The following XKR4 variants were observed in gnomAD, a reference collection of about 807,000 sequenced individuals.
XKR4 encodes the protein XK-related protein 4.
In XKR4, 12 loss-of-function variants were observed where a neutral mutation model predicts 53.9. That is an observed-to-expected ratio of 0.22 (90% CI 0.14 to 0.36). The LOEUF (loss-of-function observed/expected upper bound fraction) is 0.36. Ranked by LOEUF, XKR4 falls within the 10% of genes least tolerant of loss-of-function variation. XKR4 has a pLI of 1.00. For synonymous variants in XKR4, 354 were observed against 362.4 expected, an observed-to-expected ratio of 0.98 and a Z score of 0.26; for missense variants, 799 against 859.5, an observed-to-expected ratio of 0.93 and a Z score of 0.88.
chr8:55,289,220 A>T (rs1052921969), intron 1 of XKR4, among the ~76,000 whole-genome samples: 3 of 152,146 alleles, frequency 2.0e-5, no homozygotes, highest in Non-Finnish European at 1.5e-5. Context: ...GTTTAGTTTT[A>T]TAGGAAATTG....
intron 1 of XKR4, among the ~76,000 whole-genome samples, chr8:55,258,153 G>A (rs2129370698): frequency 6.6e-6 from 1 of 152,320 alleles, no homozygotes; most frequent in African/African-American, 2.4e-5. Context: ...TTGCTCAGTG[G>A]TTTTATTACT....
chr8:55,183,470 A>G (rs546208020), intron 1 of XKR4, among the ~76,000 whole-genome samples: 2 of 152,082 alleles, frequency 1.3e-5, no homozygotes, highest in Admixed American at 1.3e-4. Context: ...TTTAAAGTTT[A>G]TTTTGACACT....
At chr8:55,422,727 A>T (rs1804952743) in intron 2 of XKR4, among the ~76,000 whole-genome samples, 1 of 152,242 alleles carries the variant, frequency 6.6e-6, no homozygotes, top group South Asian at 2.1e-4. Context: ...CTGGAATGAT[A>T]GCATCAGAGT....
intron 1 of XKR4, among the ~76,000 whole-genome samples, chr8:55,328,506 C>A (rs1198233861): frequency 1.3e-5 from 2 of 152,186 alleles, no homozygotes; most frequent in Non-Finnish European, 2.9e-5. Context: ...TGAAGGCCTT[C>A]AGCCCATCTA....
At chr8:55,177,180 G>A (rs144496192) in intron 1 of XKR4, among the ~76,000 whole-genome samples, 5 of 152,084 alleles carry the variant, frequency 3.3e-5, no homozygotes, top group Admixed American at 6.5e-5. Context: ...GGGATTACAG[G>A]TGTGTGCCAC....
At chr8:55,138,526 G>C (rs576709298) in intron 1 of XKR4, among the ~76,000 whole-genome samples, 1 of 152,308 alleles carries the variant, frequency 6.6e-6, no homozygotes, top group East Asian at 1.9e-4. Context: ...TAATATAACA[G>C]TGGTTGCTAA....
intron 1 of XKR4, among the ~76,000 whole-genome samples, chr8:55,320,949 CTT>C (rs1803202716): frequency 6.6e-6 from 1 of 152,098 alleles, no homozygotes; most frequent in Non-Finnish European, 1.5e-5. Context: ...CTTTCCTTCA[CTT>C]AACTCTTTAC....
chr8:55,341,535 A>G (rs1237590612), intron 1 of XKR4, among the ~76,000 whole-genome samples: 1 of 152,182 alleles, frequency 6.6e-6, no homozygotes, highest in East Asian at 1.9e-4. Context: ...GTCCCTTTCC[A>G]GTAAGGATAT....
At position 55,203,650 on chromosome 8, in the gene XKR4, CTCAG is replaced by C. The variant is rs1817605442; in HGVS notation, c.806+100357_806+100360del. On this transcript the variant is annotated intron_variant, in intron 1 of 2. Coordinates refer to ENST00000327381, the MANE Select transcript of XKR4 (RefSeq NM_052898.2). Reference sequence around the variant, plus strand: ...AGTTAGAACCACCTGGGGAACCTGACTCAGCACCACGTCCAGGCCATACTCAGAC... The same window carrying C: ...AGTTAGAACCACCTGGGGAACCTGACCACCACGTCCAGGCCATACTCAGAC... Among the ~76,000 whole-genome samples the C allele has an allele frequency of 2.0e-5, 3 of 152,122 alleles. No individual in the cohort carries two copies. In the South Asian group the frequency reaches 6.2e-4, roughly 32 times the overall value.
intron 1 of XKR4, among the ~76,000 whole-genome samples, chr8:55,243,823 T>C (rs1818243989): frequency 1.3e-5 from 2 of 152,166 alleles, no homozygotes; most frequent in Non-Finnish European, 2.9e-5. Context: ...AAGGGACAAC[T>C]GGAAGAGGAA....
At chr8:55,370,055 C>T (rs1157730343) in intron 2 of XKR4, among the ~76,000 whole-genome samples, 1 of 152,052 alleles carries the variant, frequency 6.6e-6, no homozygotes, top group Non-Finnish European at 1.5e-5. Context: ...GCGAGACCCC[C>T]ATCTGTAGGA....
At chr8:55,398,536 A>ACTCGGTGAAAGGAGGATGC (rs1804556366) in intron 2 of XKR4, among the ~76,000 whole-genome samples, 1 of 151,986 alleles carries the variant, frequency 6.6e-6, no homozygotes. Context: ...AAGGAGGATG[A>ACTCGGTGAAAGGAGGATGC]GTTCCTCCAC....
Position 55,511,949 on chromosome 8 carries a change from G to A in XKR4, c.1007-11332G>A, listed in dbSNP as rs541977066. ...GGGGCATTGAAATGCTCCAGAGGGG[G>A]AGTGGAGTGGGGAGGGCAAAACTGC... On this transcript the variant is annotated intron_variant, in intron 2 of 2. Coordinates refer to ENST00000327381, the MANE Select transcript of XKR4 (RefSeq NM_052898.2). 2.6e-5 allele frequency among the ~76,000 whole-genome samples: 4 copies of A among 152,254 alleles called. No homozygotes were observed. In the East Asian group the frequency reaches 7.7e-4, roughly 29 times the overall value.
intron 1 of XKR4, among the ~76,000 whole-genome samples, chr8:55,276,964 G>A (rs1344899477): frequency 2.0e-5 from 3 of 152,210 alleles, no homozygotes; most frequent in Non-Finnish European, 4.4e-5. Flanking sequence ...ATTTGTTTAT[G>A]TGGAACTATT....
chr8:55,284,311 C>T (rs1297090245), intron 1 of XKR4, among the ~76,000 whole-genome samples: 3 of 152,086 alleles, frequency 2.0e-5, no homozygotes, highest in South Asian at 2.1e-4. Flanking sequence ...TTCTAAACAA[C>T]AAATATTTAT....
intron 1 of XKR4, among the ~76,000 whole-genome samples, chr8:55,293,784 T>A (rs1819063569): frequency 6.6e-6 from 1 of 152,206 alleles, no homozygotes; most frequent in Non-Finnish European, 1.5e-5. Flanking sequence ...AAAGATAAAT[T>A]TGAGCTTACA....
chr8:55,117,547 T>A (rs1816327746), intron 1 of XKR4, among the ~76,000 whole-genome samples: 1 of 152,186 alleles, frequency 6.6e-6, no homozygotes, highest in South Asian at 2.1e-4. Context: ...CCATGCACAT[T>A]CATTCTGTTA....
chr8:55,339,191 G>A (rs62519094), intron 1 of XKR4, among the ~76,000 whole-genome samples: 2,159 of 152,218 alleles, frequency 0.014, 25 homozygotes, highest in South Asian at 0.034. Flanking sequence ...TGTGGCCATG[G>A]GGCTGGCTGT....
intron 2 of XKR4, among the ~76,000 whole-genome samples, chr8:55,497,410 G>A (rs1044919410): frequency 6.6e-6 from 1 of 152,178 alleles, no homozygotes; most frequent in Non-Finnish European, 1.5e-5. Flanking sequence ...CGTTTATAAA[G>A]TTGGGAAAAT....
Sources: gnomAD v4.1 joint callset for allele counts (sites outside exome capture counted in the v4.1 genomes callset) on GRCh38, gnomAD v4.1.1 for gene constraint, MANE v1.5 for transcripts, NCBI Gene and HGNC (gene_info 2026-07-23, HGNC 2026-07-21) for gene names.